The following TSC22D1 variants were observed in gnomAD, a reference collection of about 807,000 sequenced individuals.
TSC22D1 encodes TSC22 domain family protein 1.
Under a neutral mutation model 74.2 loss-of-function variants are expected in TSC22D1, and 9 were observed. The ratio of observed to expected loss-of-function variants is 0.12; its 90% CI spans 0.07 to 0.21. The LOEUF is 0.21. Ranked by LOEUF, TSC22D1 falls within the 10% of genes least tolerant of loss-of-function variation. The pLI is 1.00. For missense variants in TSC22D1, 1,427 were observed against 1,304.7 expected (o/e 1.09, Z -1.44); for synonymous variants, 586 against 492.5 (o/e 1.19, Z -2.51).
chr13:44,434,679 T>C lies in TSC22D1; in HGVS notation c.3169A>G (p.Thr1057Ala). The change falls in exon 3 of 3, where the codon ACC (threonine) becomes GCC (alanine). Residue 1057 changes from threonine to alanine, a missense_variant. Around this residue, in one of 3 missense-constraint regions of TSC22D1, gnomAD observed 63 missense variants for 50.5 expected, o/e 1.25. Transcript: ENST00000458659. ...SPPATTQPQG[T>A]TQPPAQPASQ... Reference sequence around the variant, plus strand: ...GCTGGCTGGGCGGGGGGCTGTGTGGTGCCCTGTGGCTGGGTGGTGGCAGGG... The same window carrying C: ...GCTGGCTGGGCGGGGGGCTGTGTGGCGCCCTGTGGCTGGGTGGTGGCAGGG... 6.2e-7 allele frequency: 1 copy of C among 1,607,046 alleles called. No homozygotes were observed. The highest frequency in any genetic ancestry group is 8.5e-7 in the Non-Finnish European group (1 of 1,177,302).
rs5803260 is a variant in TSC22D1 at position 44,447,833 on chromosome 13, C to CTTT, written c.2913-11741_2913-11739dup. ...ATGCTAAGAAGACCCAATGCCTTTT[C>CTTT]TTTTTTTTTTTTTTTTTTTTAAGAT... On this transcript the variant is annotated intron_variant, in intron 1 of 2. Coordinates refer to ENST00000458659, the MANE Select transcript of TSC22D1 (RefSeq NM_183422.4). Among the ~76,000 whole-genome samples, 151 of 129,462 alleles carry CTTT rather than the reference C, an allele frequency of 1.2e-3. 1 individual carries two copies. The highest frequency in any genetic ancestry group is 1.6e-3 in the Non-Finnish European group (97 of 62,538). 84.9% of individuals were successfully genotyped at this position (129,462 alleles called of 152,430 possible).
At chr13:44,518,726 T>C (rs1880168811) in intron 1 of TSC22D1, among the ~76,000 whole-genome samples, 1 of 152,194 alleles carries the variant, frequency 6.6e-6, no homozygotes, top group South Asian at 2.1e-4. Flanking sequence ...TGCGCTTTGA[T>C]TGTATTTAAT....
intron 1 of TSC22D1, among the ~76,000 whole-genome samples, chr13:44,569,937 T>C (rs1210977261): frequency 6.6e-6 from 1 of 152,150 alleles, no homozygotes; most frequent in African/African-American, 2.4e-5. Context: ...AACATAATTA[T>C]AATTGAATGT....
chr13:44,516,812 A>T (rs1880009421), intron 1 of TSC22D1, among the ~76,000 whole-genome samples: 2 of 152,212 alleles, frequency 1.3e-5, no homozygotes, highest in South Asian at 4.1e-4. Flanking sequence ...CTATTTCTGG[A>T]AACAGCAACA....
intron 1 of TSC22D1, among the ~76,000 whole-genome samples, chr13:44,563,974 C>A (rs1883206054): frequency 6.6e-6 from 1 of 152,160 alleles, no homozygotes; most frequent in Non-Finnish European, 1.5e-5. Context: ...TAATATTATA[C>A]ACTCCTTGGG....
chr13:44,561,940 A>G (rs1566176674), intron 1 of TSC22D1, among the ~76,000 whole-genome samples: 1 of 152,224 alleles, frequency 6.6e-6, no homozygotes, highest in African/African-American at 2.4e-5. Context: ...AAGGAGAGAG[A>G]GCGAGCTATG....
chr13:44,502,517 A>G (rs779708989), intron 1 of TSC22D1, among the ~76,000 whole-genome samples: 3 of 152,216 alleles, frequency 2.0e-5, no homozygotes, highest in East Asian at 1.9e-4. Flanking sequence ...TTGATGACCA[A>G]TGCTATTCCA....
chr13:44,473,921 C>T (rs548990247), intron 1 of TSC22D1, among the ~76,000 whole-genome samples: 36 of 152,124 alleles, frequency 2.4e-4, no homozygotes, highest in Non-Finnish European at 3.8e-4. Flanking sequence ...AGCTGTTATG[C>T]AACTAAATGT....
chr13:44,440,602 A>C (rs1272059813), intron 1 of TSC22D1, among the ~76,000 whole-genome samples: 2 of 151,710 alleles, frequency 1.3e-5, no homozygotes, highest in Non-Finnish European at 2.9e-5. Flanking sequence ...AAAAAAAAAA[A>C]AAAAAAAAGA....
At chr13:44,498,418 T>C (rs538925469) in intron 1 of TSC22D1, among the ~76,000 whole-genome samples, 4 of 152,310 alleles carry the variant, frequency 2.6e-5, no homozygotes, top group Non-Finnish European at 5.9e-5. Flanking sequence ...CCCTAAAAAT[T>C]CAACTAAACG....
At chr13:44,468,303 A>G (rs1877412200) in intron 1 of TSC22D1, among the ~76,000 whole-genome samples, 1 of 130,246 alleles carries the variant, frequency 7.7e-6, no homozygotes, top group African/African-American at 2.5e-5. Flanking sequence ...TGGGTACACT[A>G]AAAGCCCAGA....
chr13:44,474,860 T>C (rs966869648), intron 1 of TSC22D1, among the ~76,000 whole-genome samples: 4 of 152,088 alleles, frequency 2.6e-5, no homozygotes, highest in Non-Finnish European at 4.4e-5. Flanking sequence ...CTCAGAAATG[T>C]AGAAACGAGA....
At chr13:44,443,217 T>C (rs1466097758) in intron 1 of TSC22D1, among the ~76,000 whole-genome samples, 13 of 151,428 alleles carry the variant, frequency 8.6e-5, no homozygotes, top group Non-Finnish European at 5.9e-5. Context: ...CTGGAAAAAA[T>C]TGCTATGTAC....
intron 1 of TSC22D1, among the ~76,000 whole-genome samples, chr13:44,565,473 T>C (rs1376344971): frequency 6.6e-6 from 1 of 152,172 alleles, no homozygotes; most frequent in Admixed American, 6.5e-5. Context: ...TTTGAATATA[T>C]GTGAGACTAG....
intron 1 of TSC22D1, among the ~76,000 whole-genome samples, chr13:44,441,184 GC>G (rs1875171186): frequency 6.6e-6 from 1 of 152,176 alleles, no homozygotes; most frequent in Non-Finnish European, 1.5e-5. Context: ...TGCTGGACAA[GC>G]CCAAGCTGCA....
intron 1 of TSC22D1, among the ~76,000 whole-genome samples, chr13:44,552,728 C>G (rs1882367580): frequency 6.6e-6 from 1 of 152,198 alleles, no homozygotes; most frequent in Non-Finnish European, 1.5e-5. Flanking sequence ...GTGGCTCACG[C>G]CTGTAATCCC....
At chr13:44,473,663 G>C (rs1285537789) in intron 1 of TSC22D1, among the ~76,000 whole-genome samples, 1 of 151,888 alleles carries the variant, frequency 6.6e-6, no homozygotes, top group Non-Finnish European at 1.5e-5. Context: ...TTTAAATTAA[G>C]CTAGTCAGGC....
At chr13:44,459,777 G>A (rs374035907) in intron 1 of TSC22D1, among the ~76,000 whole-genome samples, 1 of 152,160 alleles carries the variant, frequency 6.6e-6, no homozygotes, top group Non-Finnish European at 1.5e-5. Context: ...TGGTCTAGCC[G>A]CAGCCTTGCA....
chr13:44,573,960 A>G lies in TSC22D1; in HGVS notation c.2115T>C (p.Pro705=). 1.2e-6 allele frequency: 2 copies of G among 1,614,096 alleles called. No individual in the cohort carries two copies. The highest frequency in any genetic ancestry group is 1.7e-6 in the Non-Finnish European group (2 of 1,180,042). ...PVQPTAVPAQ[P]AGASVQPVGQ... is the part of the protein sequence containing the mutation. Reference sequence around the variant, plus strand: ...CAACAGGCTGGACAGATGCCCCTGCAGGTTGTGCTGGGACTGCTGTGGGCT... The same window carrying G: ...CAACAGGCTGGACAGATGCCCCTGCGGGTTGTGCTGGGACTGCTGTGGGCT... The change falls in exon 1 of 3, where the codon CCT becomes CCC. Residue 705 remains proline, a synonymous_variant. Transcript: ENST00000458659.
Sources: allele counts gnomAD v4.1 joint callset (sites outside exome capture counted in the v4.1 genomes callset), GRCh38; gene constraint gnomAD v4.1.1; regional missense constraint gnomAD v4.1.1; transcripts MANE v1.5; gene names NCBI Gene and HGNC (gene_info 2026-07-23, HGNC 2026-07-21).